The following VAT1L variants were observed in gnomAD, a reference collection of about 807,000 sequenced individuals.
VAT1L encodes the protein vesicle amine transport 1 like, also known as putative NADPH-dependent quinone oxidoreductase VAT1L.
VAT1L carries 34 observed loss-of-function variants against 44.1 expected under a neutral mutation model. The ratio of observed to expected loss-of-function variants is 0.77; its 90% confidence interval spans 0.59 to 1.03. VAT1L has a LOEUF of 1.03. VAT1L is among the 50% of genes least tolerant of loss of function. The pLI, the probability that VAT1L is intolerant of heterozygous loss-of-function variation, is 0.00. For synonymous variants in VAT1L, 253 were observed against 202.2 expected, an observed-to-expected ratio of 1.25 and a Z score of -2.13; for missense variants, 615 against 538.8, an observed-to-expected ratio of 1.14 and a Z score of -1.40.
intron 7 of VAT1L, among the ~76,000 whole-genome samples, chr16:77,906,873 G>T (rs1447342257): frequency 1.3e-5 from 2 of 152,240 alleles, no homozygotes; most frequent in African/African-American, 2.4e-5. Context: ...TGTGGATCTG[G>T]CCCTGGCAAC....
chr16:77,881,335 G>T lies in VAT1L; in HGVS notation c.882+2111G>T, dbSNP rs867125898. 2.0e-5 allele frequency among the ~76,000 whole-genome samples: 3 copies of T among 152,314 alleles called. No individual in the cohort carries two copies. In the South Asian group the frequency reaches 6.2e-4, roughly 32 times the overall value. On this transcript the variant is annotated intron_variant, in intron 6 of 8. Transcript: ENST00000302536. ...TGGGCTATTACAGCACATAAGATAG[G>T]TGCACTTTGGGCCTTTTTGGTTCTT...
intron 7 of VAT1L, among the ~76,000 whole-genome samples, chr16:77,936,723 A>G (rs1042460390): frequency 6.6e-6 from 1 of 152,182 alleles, no homozygotes; most frequent in Admixed American, 6.5e-5. Flanking sequence ...TGCTGCAAAC[A>G]GCATTAGTTA....
At chr16:77,955,962 G>T (rs1449940566) in intron 7 of VAT1L, among the ~76,000 whole-genome samples, 1 of 152,132 alleles carries the variant, frequency 6.6e-6, no homozygotes, top group Non-Finnish European at 1.5e-5. Context: ...TAGTTTCTCT[G>T]TATCCACTGT....
chr16:77,878,654 G>A (rs1017505974), intron 5 of VAT1L, among the ~76,000 whole-genome samples: 1 of 151,984 alleles, frequency 6.6e-6, no homozygotes, highest in Non-Finnish European at 1.5e-5. Context: ...TTTGGTCCCT[G>A]GGCCCCTTTT....
chr16:77,975,084 G>T (rs894333295), intron 8 of VAT1L, among the ~76,000 whole-genome samples: 3 of 151,508 alleles, frequency 2.0e-5, no homozygotes, highest in African/African-American at 4.8e-5. Flanking sequence ...GACAGAAGAG[G>T]AAACAACTCA....
chr16:77,961,767 C>T (rs938409761), intron 7 of VAT1L, among the ~76,000 whole-genome samples: 2 of 152,136 alleles, frequency 1.3e-5, no homozygotes, highest in African/African-American at 4.8e-5. Flanking sequence ...TGGGCTTGGC[C>T]CCCTGCCTTC....
chr16:77,799,504 GGTGTGTGTGTGTGTGT>G (rs10525414), intron 1 of VAT1L, among the ~76,000 whole-genome samples: 8,693 of 140,942 alleles, frequency 0.062, 397 homozygotes, highest in East Asian at 0.12. Flanking sequence ...TGGAATACAT[GGTGTGTGTGTGTGTGT>G]GTGTGTGTGT....
intron 7 of VAT1L, among the ~76,000 whole-genome samples, chr16:77,898,268 A>AT (rs1297693567): frequency 6.6e-6 from 1 of 152,152 alleles, no homozygotes; most frequent in Non-Finnish European, 1.5e-5. Flanking sequence ...CCATTTCTAA[A>AT]TAAGGTTGCG....
chr16:77,866,171 G>A (rs1455541827), intron 4 of VAT1L, among the ~76,000 whole-genome samples: 1 of 152,224 alleles, frequency 6.6e-6, no homozygotes, highest in Non-Finnish European at 1.5e-5. Context: ...CAGGTACAAG[G>A]CTGCCTGTTG....
At chr16:77,827,292 T>C (rs1415581937) in intron 3 of VAT1L, among the ~76,000 whole-genome samples, 1 of 152,224 alleles carries the variant, frequency 6.6e-6, no homozygotes, top group Non-Finnish European at 1.5e-5. Context: ...ACTATCAGCA[T>C]AAGCTTCAGT....
At chr16:77,798,435 A>T (rs1597162544) in intron 1 of VAT1L, among the ~76,000 whole-genome samples, 1 of 152,328 alleles carries the variant, frequency 6.6e-6, no homozygotes, top group South Asian at 2.1e-4. Flanking sequence ...TGTAATATGG[A>T]TGGGGTAAAA....
intron 7 of VAT1L, among the ~76,000 whole-genome samples, chr16:77,925,701 T>G (rs2017658952): frequency 6.6e-6 from 1 of 152,114 alleles, no homozygotes; most frequent in Non-Finnish European, 1.5e-5. Flanking sequence ...TGACGTAAAA[T>G]CTAGAGAGAC....
chr16:77,967,527 G>C (rs531067213), intron 7 of VAT1L, among the ~76,000 whole-genome samples: 2 of 152,286 alleles, frequency 1.3e-5, no homozygotes, highest in South Asian at 4.1e-4. Context: ...GCGTGAATAG[G>C]AGGTCAGGCT....
At chr16:77,870,401 A>G (rs1018156063) in intron 4 of VAT1L, among the ~76,000 whole-genome samples, 1 of 152,218 alleles carries the variant, frequency 6.6e-6, no homozygotes, top group African/African-American at 2.4e-5. Flanking sequence ...CCAGCTGGAG[A>G]GCAAAGTCAC....
intron 4 of VAT1L, among the ~76,000 whole-genome samples, chr16:77,863,651 T>G (rs2016939278): frequency 6.6e-6 from 1 of 152,162 alleles, no homozygotes; most frequent in Non-Finnish European, 1.5e-5. Context: ...GCATGCATAC[T>G]GAGGAATGCA....
At chr16:77,909,801 T>C (rs2017479676) in intron 7 of VAT1L, among the ~76,000 whole-genome samples, 1 of 152,164 alleles carries the variant, frequency 6.6e-6, no homozygotes, top group Admixed American at 6.5e-5. Flanking sequence ...ATCTGCTCAG[T>C]GGAGGACCTG....
intron 1 of VAT1L, among the ~76,000 whole-genome samples, chr16:77,795,216 A>C (rs2145205693): frequency 6.6e-6 from 1 of 151,892 alleles, no homozygotes; most frequent in Non-Finnish European, 1.5e-5. Context: ...TGCTGCTAAA[A>C]AATTAATAGC....
chr16:77,918,952 G>T (rs1285531921), intron 7 of VAT1L, among the ~76,000 whole-genome samples: 1 of 152,092 alleles, frequency 6.6e-6, no homozygotes, highest in Non-Finnish European at 1.5e-5. Context: ...CAGGAAGCAG[G>T]CACCATCCAT....
chr16:77,869,500 C>T (rs2017008346), intron 4 of VAT1L, among the ~76,000 whole-genome samples: 1 of 152,158 alleles, frequency 6.6e-6, no homozygotes, highest in South Asian at 2.1e-4. Flanking sequence ...CATAATGAGA[C>T]TCCCATCTCT....
Sources: gnomAD v4.1 joint callset for allele counts (sites outside exome capture counted in the v4.1 genomes callset) on GRCh38, gnomAD v4.1.1 for gene constraint, MANE v1.5 for transcripts, NCBI Gene and HGNC (gene_info 2026-07-23, HGNC 2026-07-21) for gene names.